Variants in YIPF7 observed in about 807,000 individuals in gnomAD.
The protein encoded by YIPF7 is protein YIPF7.
YIPF7 carries 35 observed loss-of-function variants against 27.2 expected under a neutral mutation model. That is an observed-to-expected ratio of 1.29 (90% confidence interval 0.98 to 1.70). The LOEUF is 1.70. Among genes scored for constraint, YIPF7 ranks in the 40% most tolerant of loss-of-function variants. YIPF7 has a pLI of 0.00. For missense variants in YIPF7, 358 were observed against 303.7 expected, an observed-to-expected ratio of 1.18 and a Z score of -1.33; for synonymous variants, 137 against 110.4, an observed-to-expected ratio of 1.24 and a Z score of -1.51.
chr4:44,629,914 A>G (rs888184055), intron 3 of YIPF7, among the ~76,000 whole-genome samples: 1 of 152,208 alleles, frequency 6.6e-6, no homozygotes, highest in Admixed American at 6.5e-5. Flanking sequence ...AATTGTAGCT[A>G]ACAGATCAAA....
At chr4:44,632,497 G>A (rs563544193) in intron 3 of YIPF7, among the ~76,000 whole-genome samples, 66 of 152,180 alleles carry the variant, frequency 4.3e-4, no homozygotes, top group African/African-American at 1.6e-3. Flanking sequence ...TTAACATATT[G>A]ATTTTACATT....
intron 2 of YIPF7, among the ~76,000 whole-genome samples, chr4:44,647,317 C>T (rs1003001683): frequency 6.6e-6 from 1 of 152,094 alleles, no homozygotes; most frequent in Middle Eastern, 3.2e-3. Context: ...TCCATGAGTC[C>T]TTGCTTAGGG....
chr4:44,651,688 G>C (rs1713744825), upstream of YIPF7: 1 of 1,217,386 alleles, frequency 8.2e-7, no homozygotes, highest in Non-Finnish European at 1.1e-6. Flanking sequence ...GACACCCTGA[G>C]CAGATGCTAC....
chr4:44,630,109 T>C (rs770923493), intron 3 of YIPF7, among the ~76,000 whole-genome samples: 1 of 152,158 alleles, frequency 6.6e-6, no homozygotes, highest in Non-Finnish European at 1.5e-5. Flanking sequence ...GCTGAGACTA[T>C]AGGCATGCAC....
Position 44,622,299 on chromosome 4 carries a change from A to T in YIPF7, c.*115T>A. 7.8e-7 allele frequency: 1 copy of T among 1,290,128 alleles called. No individual in the cohort carries two copies. Among genetic ancestry groups the T allele is most frequent in the Non-Finnish European group, 1.1e-6 (1 of 945,100 alleles). The allele number at this position is 1,290,128 out of a possible 1,614,324, so 79.9% of individuals were successfully genotyped here. ...TAAGTGCTGCTTTGTCTCTCTGCTT[A>T]TTACTCTCTCAAAAGCAATAAAACA... On this transcript the variant is annotated 3_prime_UTR_variant, in exon 6 of 6. Coordinates refer to ENST00000415895, the MANE Select transcript of YIPF7 (RefSeq NM_182592.3).
intron 4 of YIPF7, among the ~76,000 whole-genome samples, chr4:44,629,003 G>T (rs1450679500): frequency 2.0e-5 from 3 of 152,118 alleles, no homozygotes; most frequent in Non-Finnish European, 4.4e-5. Context: ...ATATATCACA[G>T]CAAAGAAGAT....
At chr4:44,629,173 C>T (rs1712783549) in intron 4 of YIPF7, 1 of 383,180 alleles carries the variant, frequency 2.6e-6, no homozygotes, top group Non-Finnish European at 4.4e-6. Flanking sequence ...AAATGATCTC[C>T]TGCTTTGATC....
At chr4:44,625,064 C>T (rs527541086) in intron 4 of YIPF7, among the ~76,000 whole-genome samples, 32 of 152,230 alleles carry the variant, frequency 2.1e-4, no homozygotes, top group African/African-American at 6.0e-4. Flanking sequence ...TTGTCCATTA[C>T]GAGTACAAGG....
chr4:44,633,134 G>A (rs1315819027), intron 3 of YIPF7, among the ~76,000 whole-genome samples: 3 of 152,168 alleles, frequency 2.0e-5, no homozygotes, highest in Admixed American at 1.3e-4. Flanking sequence ...GATCTGAAGT[G>A]GAAGAGTTTC....
At chr4:44,650,777 A>G (rs1713708251) in intron 1 of YIPF7, among the ~76,000 whole-genome samples, 1 of 152,204 alleles carries the variant, frequency 6.6e-6, no homozygotes, top group Non-Finnish European at 1.5e-5. Flanking sequence ...GTTTCCACTC[A>G]CTTCTAGGAG....
chr4:44,650,507 G>GCGCACACACA (rs6148421), intron 1 of YIPF7, among the ~76,000 whole-genome samples: 189 of 137,178 alleles, frequency 1.4e-3, no homozygotes, highest in East Asian at 8.5e-3. Context: ...GCGCGCGCGC[G>GCGCACACACA]CACACACACA....
At chr4:44,641,037 G>T (rs1306965870) in intron 2 of YIPF7, among the ~76,000 whole-genome samples, 5 of 152,000 alleles carry the variant, frequency 3.3e-5, no homozygotes, top group Non-Finnish European at 7.4e-5. Flanking sequence ...GTTAGATCTA[G>T]GGTTTGAGAG....
At chr4:44,625,360 A>C (rs1409632239) in intron 4 of YIPF7, among the ~76,000 whole-genome samples, 1 of 152,214 alleles carries the variant, frequency 6.6e-6, no homozygotes, top group Non-Finnish European at 1.5e-5. Context: ...ATATAACGCT[A>C]AGCAATGGAG....
chr4:44,629,921 C>A (rs939775175), intron 3 of YIPF7, among the ~76,000 whole-genome samples: 3 of 152,126 alleles, frequency 2.0e-5, no homozygotes, highest in African/African-American at 7.2e-5. Flanking sequence ...GCTAACAGAT[C>A]AAAACTTTCA....
intron 5 of YIPF7, among the ~76,000 whole-genome samples, chr4:44,622,790 A>G (rs995418760): frequency 2.0e-5 from 3 of 152,202 alleles, no homozygotes; most frequent in Non-Finnish European, 4.4e-5. Flanking sequence ...TTTCTGTTAA[A>G]CCTGAATTAG....
At chr4:44,651,658 C>T, upstream of YIPF7, 1 of 1,492,876 alleles carries the variant, frequency 6.7e-7, no homozygotes, top group Admixed American at 2.3e-5. Flanking sequence ...TATATATATA[C>T]CTTTCTAAAT....
chr4:44,630,003 G>T (rs926593814), intron 3 of YIPF7, among the ~76,000 whole-genome samples: 5 of 152,042 alleles, frequency 3.3e-5, no homozygotes, highest in African/African-American at 1.2e-4. Context: ...TCGAGGCAGG[G>T]TTTCCCTCTG....
At chr4:44,625,032 G>A (rs1712586397) in intron 4 of YIPF7, among the ~76,000 whole-genome samples, 1 of 152,142 alleles carries the variant, frequency 6.6e-6, no homozygotes, top group South Asian at 2.1e-4. Flanking sequence ...AATATTTCTA[G>A]ACTTATATTT....
In YIPF7 at chr4:44,624,663, C is replaced by A; in HGVS notation, c.546G>T (p.Val182=). ...SGVSYGCVAS[V]LGYCLLPMVI... ...CCATGGGGAGCAGGCAGTAACCCAG[C>A]ACGCTGGCCACACAGCCGTACGACA... Residue 182 remains valine, a synonymous_variant, in exon 5 of 6, where the codon GTG becomes GTT. Coordinates refer to ENST00000415895, the MANE Select transcript of YIPF7 (RefSeq NM_182592.3). 6.2e-7 allele frequency: 1 copy of A among 1,605,096 alleles called. No individual in the cohort carries two copies. Among genetic ancestry groups the A allele is most frequent in the Non-Finnish European group, 8.5e-7 (1 of 1,176,146 alleles).
Sources: allele counts gnomAD v4.1 joint callset (sites outside exome capture counted in the v4.1 genomes callset), GRCh38; gene constraint gnomAD v4.1.1; transcripts MANE v1.5; gene names NCBI Gene and HGNC (gene_info 2026-07-23, HGNC 2026-07-21).